The following ITGA2 variants were observed in gnomAD, a reference collection of about 807,000 sequenced individuals.
ITGA2 encodes the protein integrin subunit alpha 2.
Under a neutral mutation model 146.3 loss-of-function variants are expected in ITGA2, and 101 were observed. The observed-to-expected ratio is 0.69, with a 90% CI of 0.59 to 0.81. The LOEUF (loss-of-function observed/expected upper bound fraction) is 0.81, where lower values mean the gene tolerates loss of function less well. Among genes scored for constraint, ITGA2 ranks in the 40% least tolerant of loss-of-function variants. ITGA2 has a pLI of 0.00. For missense variants in ITGA2, 1,281 were observed against 1,402.7 expected (o/e 0.91, Z 1.39); for synonymous variants, 477 against 487.1 (o/e 0.98, Z 0.27).
At chr5:53,020,990 G>A (rs1252536667) in intron 1 of ITGA2, among the ~76,000 whole-genome samples, 4 of 151,686 alleles carry the variant, frequency 2.6e-5, no homozygotes, top group East Asian at 1.9e-4. Flanking sequence ...CCACCGTGCC[G>A]GCCTTTTTAT....
At chr5:53,018,734 T>A (rs957613954) in intron 1 of ITGA2, among the ~76,000 whole-genome samples, 2 of 152,110 alleles carry the variant, frequency 1.3e-5, no homozygotes, top group Non-Finnish European at 2.9e-5. Context: ...CTTGAAGAGG[T>A]CATGTCTAAA....
chr5:53,057,040 A>G (rs912681294), intron 9 of ITGA2, among the ~76,000 whole-genome samples: 3 of 151,956 alleles, frequency 2.0e-5, no homozygotes, highest in South Asian at 2.1e-4. Context: ...CTTCTTCAGT[A>G]TCCCATGGTG....
chr5:53,020,095 T>C (rs765584896), intron 1 of ITGA2, among the ~76,000 whole-genome samples: 10 of 152,196 alleles, frequency 6.6e-5, no homozygotes, highest in Non-Finnish European at 1.0e-4. Flanking sequence ...AGAATTAATG[T>C]AATTCTCATT....
At chr5:53,015,247 T>G (rs1275968500) in intron 1 of ITGA2, among the ~76,000 whole-genome samples, 1 of 152,178 alleles carries the variant, frequency 6.6e-6, no homozygotes, top group Non-Finnish European at 1.5e-5. Context: ...CTATCAACTT[T>G]CCTCTTAACA....
At chr5:53,011,169 AC>A (rs1579795073) in intron 1 of ITGA2, among the ~76,000 whole-genome samples, 1 of 152,214 alleles carries the variant, frequency 6.6e-6, no homozygotes, top group African/African-American at 2.4e-5. Context: ...GTAATTTGTT[AC>A]AGCAGCCAGA....
rs13173706 is a variant in ITGA2 at position 53,090,628 on chromosome 5, G to A, written c.*29G>A. ...AGCAGACCTACCTGCAGTGGGAACC[G>A]GCAGCATCCCAGCCAGGGTTTGCTG... On this transcript the variant is annotated 3_prime_UTR_variant, in exon 30 of 30. Transcript: ENST00000296585. 15,204 of 1,560,118 alleles carry A rather than the reference G, an allele frequency of 9.7e-3. 106 individuals are homozygous for A. The highest frequency in any genetic ancestry group is 0.011 in the Middle Eastern group (67 of 5,976).
intron 4 of ITGA2, among the ~76,000 whole-genome samples, chr5:53,046,513 G>GT (rs941221949): frequency 6.6e-6 from 1 of 151,570 alleles, no homozygotes; most frequent in African/African-American, 2.4e-5. Context: ...TAATCTTTTT[G>GT]TTTTTTGATT....
intron 2 of ITGA2, among the ~76,000 whole-genome samples, chr5:53,036,044 TATTCATTCATTC>T (rs74507381): frequency 6.0e-5 from 9 of 149,888 alleles, no homozygotes; most frequent in South Asian, 4.3e-4. Context: ...CTTTGACTCG[TATTCATTCATTC>T]ATTCATTCAT....
intron 4 of ITGA2, among the ~76,000 whole-genome samples, chr5:53,046,386 T>G (rs1330967561): frequency 6.6e-6 from 1 of 152,040 alleles, no homozygotes; most frequent in Admixed American, 6.6e-5. Context: ...ATGACTGTGC[T>G]GCCAGTAAGT....
At chr5:53,080,370 A>T (rs1561151991) in intron 24 of ITGA2, 141 bp from the exon 25 acceptor site, 2 of 730,018 alleles carry the variant, frequency 2.7e-6, no homozygotes, top group Non-Finnish European at 4.9e-6. Context: ...CTGAAGTGTG[A>T]CTATAAAGTA....
At chr5:53,041,919 A>G (rs1287016443) in intron 2 of ITGA2, among the ~76,000 whole-genome samples, 193 bp from the exon 3 acceptor site, 1 of 152,160 alleles carries the variant, frequency 6.6e-6, no homozygotes, top group Non-Finnish European at 1.5e-5. Flanking sequence ...GTGTGTGGCA[A>G]TGCAGCAGTG....
rs994708948 is a variant in ITGA2 at position 53,046,678 on chromosome 5, C to T, written c.387+1586C>T. Among the ~76,000 whole-genome samples the T allele has an allele frequency of 6.0e-5, 9 of 151,034 alleles. No individual in the cohort carries two copies. The South Asian group carries it at 6.3e-4, about 11-fold the overall frequency. The stretch of plus-strand genomic sequence containing the variant: ...ATTAATTAGCAGTCCAGGTAGCAAG[C>T]AGAGAGGCAGAAAGAGAGAGAGGAG... On this transcript the variant is annotated intron_variant, in intron 4 of 29. Coordinates refer to ENST00000296585, the MANE Select transcript of ITGA2 (RefSeq NM_002203.4).
intron 4 of ITGA2, among the ~76,000 whole-genome samples, chr5:53,047,269 G>T (rs889066517): frequency 6.6e-6 from 1 of 152,052 alleles, no homozygotes; most frequent in Non-Finnish European, 1.5e-5. Flanking sequence ...AATTCTGTAG[G>T]CATTTTTTAG....
intron 16 of ITGA2, 96 bp downstream of exon 16, chr5:53,067,353 A>G (rs1255407730): frequency 7.2e-7 from 1 of 1,380,406 alleles, no homozygotes; most frequent in Admixed American, 1.8e-5. Flanking sequence ...CAAGAGAAAT[A>G]AGGGTTTTAG....
chr5:53,034,329 C>A (rs1743381036), intron 2 of ITGA2, among the ~76,000 whole-genome samples: 1 of 151,824 alleles, frequency 6.6e-6, no homozygotes, highest in Non-Finnish European at 1.5e-5. Context: ...ACAATGACAA[C>A]CCCCCAAGAG....
rs780259261 is a variant in ITGA2 at position 53,083,335 on chromosome 5, A to G, written c.3145-5A>G. The G allele has an allele frequency of 1.9e-6, 3 of 1,564,420 alleles. No individual in the cohort carries two copies. The highest frequency in any genetic ancestry group is 2.2e-5 in the East Asian group (1 of 44,574). On this transcript the variant is annotated splice_polypyrimidine_tract_variant and splice_region_variant and intron_variant, in intron 26 of 29. Coordinates refer to ENST00000296585, the MANE Select transcript of ITGA2 (RefSeq NM_002203.4). The stretch of plus-strand genomic sequence containing the variant: ...TCTCTTTTACCTTTGACTCAATACT[A>G]TAAGAACTGCAGAACTGCTTCCTGT...
At chr5:53,036,739 G>A (rs1743509973) in intron 2 of ITGA2, among the ~76,000 whole-genome samples, 1 of 151,142 alleles carries the variant, frequency 6.6e-6, no homozygotes, top group South Asian at 2.1e-4. Flanking sequence ...TAGAATGTAA[G>A]CTCCTCAGGC....
intron 13 of ITGA2, 86 bp from the exon 14 acceptor site, chr5:53,064,826 T>G: frequency 7.6e-7 from 1 of 1,309,020 alleles, no homozygotes; most frequent in Non-Finnish European, 1.1e-6. Context: ...ATTACAGGCA[T>G]GAGCCACCAC....
chr5:53,014,459 A>G (rs186813776), intron 1 of ITGA2, among the ~76,000 whole-genome samples: 1 of 152,148 alleles, frequency 6.6e-6, no homozygotes, highest in Admixed American at 6.5e-5. Context: ...CTACTTGATC[A>G]TGGTGGATTA....
Sources: gnomAD v4.1 joint callset for allele counts (sites outside exome capture counted in the v4.1 genomes callset) on GRCh38, gnomAD v4.1.1 for gene constraint, MANE v1.5 for transcripts, NCBI Gene and HGNC (gene_info 2026-07-23, HGNC 2026-07-21) for gene names.